PLEKHG1: variants seen among roughly 807,000 people sequenced by gnomAD.
PLEKHG1 encodes pleckstrin homology and RhoGEF domain containing G1.
PLEKHG1 carries 44 observed loss-of-function variants against 100.8 expected under a neutral mutation model. The ratio of observed to expected loss-of-function variants is 0.44; its 90% confidence interval spans 0.34 to 0.56. PLEKHG1 has a LOEUF of 0.56. Ranked by LOEUF, PLEKHG1 falls within the 20% of genes least tolerant of loss-of-function variation. PLEKHG1 has a pLI of 0.01. For synonymous variants in PLEKHG1, 640 were observed against 662.5 expected, an observed-to-expected ratio of 0.97 and a Z score of 0.52; for missense variants, 1,545 against 1,720.9, an observed-to-expected ratio of 0.90 and a Z score of 1.81.
intron 3 of PLEKHG1, among the ~76,000 whole-genome samples, chr6:150,672,948 G>A (rs1003772271): frequency 2.0e-5 from 3 of 152,078 alleles, no homozygotes; most frequent in Admixed American, 6.5e-5. Flanking sequence ...GCATATTCTG[G>A]CAAGATTTCT....
intron 3 of PLEKHG1, among the ~76,000 whole-genome samples, chr6:150,701,127 G>A (rs977018771): frequency 2.0e-4 from 30 of 151,422 alleles, no homozygotes; most frequent in African/African-American, 6.5e-4. Context: ...TGAGACCCAC[G>A]TGGCCAACAT....
chr6:150,772,462 A>T (rs1784758362), intron 3 of PLEKHG1, among the ~76,000 whole-genome samples: 1 of 152,178 alleles, frequency 6.6e-6, no homozygotes, highest in Non-Finnish European at 1.5e-5. Flanking sequence ...TCTACAAAAA[A>T]TCAAAAAATT....
intron 2 of PLEKHG1, among the ~76,000 whole-genome samples, chr6:150,763,342 T>C (rs1784282868): frequency 6.6e-6 from 1 of 152,056 alleles, no homozygotes; most frequent in Non-Finnish European, 1.5e-5. Context: ...TTAACCAATA[T>C]CTTATCAGTC....
intron 2 of PLEKHG1, among the ~76,000 whole-genome samples, chr6:150,734,500 G>C (rs1342177446): frequency 6.6e-6 from 1 of 152,148 alleles, no homozygotes; most frequent in African/African-American, 2.4e-5. Flanking sequence ...ACTGGCATCC[G>C]GGAGCTTCCA....
At chr6:150,791,691 AAG>A (rs1785993826) in intron 4 of PLEKHG1, among the ~76,000 whole-genome samples, 3 of 151,826 alleles carry the variant, frequency 2.0e-5, no homozygotes, top group South Asian at 4.2e-4. Context: ...AAAAAAAAAA[AAG>A]AGGCTTCTTT....
intron 1 of PLEKHG1, among the ~76,000 whole-genome samples, chr6:150,628,748 T>A (rs1029213104): frequency 1.3e-5 from 2 of 152,154 alleles, no homozygotes; most frequent in Non-Finnish European, 2.9e-5. Flanking sequence ...ATTGCACAAA[T>A]TACAGTATTC....
At chr6:150,719,129 G>A (rs531427097), upstream of PLEKHG1, among the ~76,000 whole-genome samples, 6 of 152,114 alleles carry the variant, frequency 3.9e-5, no homozygotes, top group Non-Finnish European at 5.9e-5. Flanking sequence ...TATGGCCCCC[G>A]CTGTCACTTC....
chr6:150,731,147 T>C (rs1204633330), intron 1 of PLEKHG1, among the ~76,000 whole-genome samples: 1 of 152,234 alleles, frequency 6.6e-6, no homozygotes, highest in Non-Finnish European at 1.5e-5. Context: ...CATCCTTTGC[T>C]GCAAGCATAC....
rs772619995 is a variant in PLEKHG1, at chr6:150,818,231, C to G, written c.1312+15C>G. ...GGATGCCATTCGTAAGTTTTATTTCCTTAAAACAATTTGAAATTTCATTGT... is the reference window on the plus strand; with the variant it reads ...GGATGCCATTCGTAAGTTTTATTTCGTTAAAACAATTTGAAATTTCATTGT... On this transcript the variant is annotated intron_variant, in intron 11 of 15. Transcript: ENST00000358517. The G allele has an allele frequency of 1.9e-6, 3 of 1,564,600 alleles. No individual in the cohort carries two copies. In the South Asian group the frequency reaches 3.4e-5, roughly 17 times the overall value.
chr6:150,673,845 G>A (rs1779652294), intron 3 of PLEKHG1, among the ~76,000 whole-genome samples: 2 of 152,200 alleles, frequency 1.3e-5, no homozygotes, highest in East Asian at 1.9e-4. Flanking sequence ...TGTATTTTTT[G>A]TAGAGATGAG....
At chr6:150,739,585 T>G (rs1404848796) in intron 2 of PLEKHG1, among the ~76,000 whole-genome samples, 1 of 152,032 alleles carries the variant, frequency 6.6e-6, no homozygotes, top group Non-Finnish European at 1.5e-5. Context: ...GGAGAATGGC[T>G]TGAACCTAGG....
At chr6:150,639,672 A>G (rs1446640643) in intron 2 of PLEKHG1, among the ~76,000 whole-genome samples, 3 of 152,062 alleles carry the variant, frequency 2.0e-5, no homozygotes, top group Non-Finnish European at 1.5e-5. Context: ...GGGCTCATCT[A>G]CATAGTGATG....
chr6:150,787,988 T>C (rs962774813), intron 4 of PLEKHG1, among the ~76,000 whole-genome samples: 1 of 152,244 alleles, frequency 6.6e-6, no homozygotes, highest in Non-Finnish European at 1.5e-5. Context: ...AAAGGAGATA[T>C]GTTAGAATAA....
chr6:150,677,459 A>G (rs765937098), intron 3 of PLEKHG1, among the ~76,000 whole-genome samples: 5 of 152,090 alleles, frequency 3.3e-5, no homozygotes, highest in Non-Finnish European at 7.4e-5. Flanking sequence ...GCTGACTCCT[A>G]TTTATGCCTG....
intron 1 of PLEKHG1, among the ~76,000 whole-genome samples, chr6:150,606,872 G>A (rs1385526016): frequency 6.6e-6 from 1 of 152,046 alleles, no homozygotes; most frequent in Non-Finnish European, 1.5e-5. Context: ...CTGTTCCTTT[G>A]GGGCATTCTT....
intron 3 of PLEKHG1, among the ~76,000 whole-genome samples, chr6:150,662,178 A>C (rs527634922): frequency 6.6e-6 from 1 of 152,214 alleles, no homozygotes; most frequent in South Asian, 2.1e-4. Flanking sequence ...TCCTCCTGTC[A>C]GTCAGCTCCT....
Position 150,803,272 on chromosome 6 carries a change from C to T in PLEKHG1, c.781-1338C>T, listed in dbSNP as rs1021545287. The stretch of plus-strand genomic sequence containing the variant: ...TTGCACCATAACATTTAACCTCCAC[C>T]CGTTAGCTGATTATGTATGATAAAT... On this transcript the variant is annotated intron_variant, in intron 6 of 15. Transcript: ENST00000358517. Among the ~76,000 whole-genome samples, 6 of 152,094 alleles carry T rather than the reference C, an allele frequency of 3.9e-5. No homozygotes were observed. In the East Asian group the frequency reaches 7.7e-4, roughly 20 times the overall value.
At chr6:150,621,067 TA>T (rs1294436687) in intron 1 of PLEKHG1, among the ~76,000 whole-genome samples, 1 of 152,204 alleles carries the variant, frequency 6.6e-6, no homozygotes, top group Non-Finnish European at 1.5e-5. Context: ...TTTCTACCTT[TA>T]AAATGAATTT....
At chr6:150,691,324 A>G (rs1368382808) in intron 3 of PLEKHG1, among the ~76,000 whole-genome samples, 1 of 152,208 alleles carries the variant, frequency 6.6e-6, no homozygotes, top group Non-Finnish European at 1.5e-5. Context: ...TTATTTAAAT[A>G]CAACTTAAGT....
Sources: allele counts gnomAD v4.1 joint callset (sites outside exome capture counted in the v4.1 genomes callset), GRCh38; gene constraint gnomAD v4.1.1; transcripts MANE v1.5; gene names NCBI Gene and HGNC (gene_info 2026-07-23, HGNC 2026-07-21).